The following ADGRE2 variants were observed in gnomAD, a reference collection of about 807,000 sequenced individuals.
ADGRE2 encodes adhesion G protein-coupled receptor E2.
Under a neutral mutation model 100.8 loss-of-function variants are expected in ADGRE2, and 83 were observed. The observed-to-expected ratio is 0.82, with a 90% CI of 0.69 to 0.99. ADGRE2 has a LOEUF of 0.99. ADGRE2 is among the 50% of genes least tolerant of loss of function. ADGRE2 has a pLI of 0.00. For synonymous variants in ADGRE2, 355 were observed against 413.0 expected, an observed-to-expected ratio of 0.86 and a Z score of 1.70; for missense variants, 814 against 1,035.7, an observed-to-expected ratio of 0.79 and a Z score of 2.94.
chr19:14,747,026 C>T (rs970505824), intron 16 of ADGRE2, 64 bp from the exon 17 acceptor site: 2 of 1,359,432 alleles, frequency 1.5e-6, no homozygotes, highest in Non-Finnish European at 2.1e-6. Flanking sequence ...TTATGTAAAT[C>T]TATTCCATCC....
At chr19:14,724,378 G>T in the ADGRE2 span, among the ~76,000 whole-genome samples, 2 of 152,270 alleles carry the variant, frequency 1.3e-5, no homozygotes, top group East Asian at 3.9e-4. Flanking sequence ...TTATAACACT[G>T]GCAACCTGGT....
At chr19:14,745,403 G>T (rs2043057529) in intron 18 of ADGRE2, among the ~76,000 whole-genome samples, 1 of 152,090 alleles carries the variant, frequency 6.6e-6, no homozygotes, top group African/African-American at 2.4e-5. Context: ...ATTTGTATGT[G>T]TTGGGAACAC....
chr19:14,767,455 G>A (rs981589071), intron 5 of ADGRE2, among the ~76,000 whole-genome samples: 1 of 152,056 alleles, frequency 6.6e-6, no homozygotes, highest in South Asian at 2.1e-4. Flanking sequence ...TAGCCAGGAT[G>A]GTCTTGATCT....
At chr19:14,777,043 C>T (rs1354939005) in intron 1 of ADGRE2, 116 bp from the exon 2 acceptor site, 3 of 1,262,950 alleles carry the variant, frequency 2.4e-6, no homozygotes, top group Admixed American at 3.6e-5. Flanking sequence ...GAATGAAGTG[C>T]AACCTGCTTT....
At chr19:14,746,804 G>A (rs2043106895) in intron 17 of ADGRE2, 92 bp downstream of exon 17, 1 of 1,263,446 alleles carries the variant, frequency 7.9e-7, no homozygotes. Context: ...GACAACCCAG[G>A]GGACATTCCT....
intron 4 of ADGRE2, among the ~76,000 whole-genome samples, chr19:14,773,101 A>G (rs2044277499): frequency 1.4e-5 from 2 of 147,528 alleles, no homozygotes; most frequent in Non-Finnish European, 3.0e-5. Context: ...AAAAAAAACA[A>G]AAAAAAAAAG....
chr19:14,775,068 T>A (rs2044386057), intron 2 of ADGRE2, among the ~76,000 whole-genome samples: 2 of 151,640 alleles, frequency 1.3e-5, no homozygotes, highest in Non-Finnish European at 2.9e-5. Context: ...AGTGGTGCAA[T>A]CTTGGCTCAC....
chr19:14,743,698 C>CG lies in ADGRE2; in HGVS notation c.2269dup (p.Arg757ProfsTer46). On this transcript the variant is annotated frameshift_variant, in exon 19 of 21. Transcript: ENST00000315576. LOFTEE classifies it high-confidence loss of function. Reference sequence around the variant, plus strand: ...GATGGTGAAGAGGTAGGCCATGACCCGGGCAGCCGGACCCACCTGCAAGAT... The same window carrying CG: ...GATGGTGAAGAGGTAGGCCATGACCCGGGGCAGCCGGACCCACCTGCAAGAT... The CG allele has an allele frequency of 6.2e-7, 1 of 1,614,130 alleles. No homozygotes were observed. The highest frequency in any genetic ancestry group is 8.5e-7 in the Non-Finnish European group (1 of 1,180,012).
intron 16 of ADGRE2, among the ~76,000 whole-genome samples, chr19:14,747,246 A>T (rs2043121977): frequency 6.6e-6 from 1 of 152,196 alleles, no homozygotes; most frequent in African/African-American, 2.4e-5. Context: ...ACAGTGGCTC[A>T]CACCAGGACT....
In ADGRE2 at chr19:14,776,712, C is replaced by G. The variant is rs773261287; in HGVS notation, c.31+14G>C. The G allele has an allele frequency of 1.2e-6, 2 of 1,612,108 alleles. No individual in the cohort carries two copies. Among genetic ancestry groups the G allele is most frequent in the East Asian group, 4.5e-5 (2 of 44,734 alleles). On this transcript the variant is annotated intron_variant, in intron 2 of 20. Coordinates refer to ENST00000315576, the MANE Select transcript of ADGRE2 (RefSeq NM_013447.4). ...TCCTCGCTACCACCCCCAGCGGGGC[C>G]CCAAAGTACTTACCGAGAAAGACGA...
rs779657145 is a variant in ADGRE2 at position 14,752,454 on chromosome 19, C to G, written c.1663G>C (p.Ala555Pro). 6.2e-7 allele frequency: 1 copy of G among 1,614,110 alleles called. No homozygotes were observed. Among genetic ancestry groups the G allele is most frequent in the South Asian group, 1.1e-5 (1 of 91,076 alleles). Reference sequence around the variant, plus strand: ...GCTTTACACAGGAGAAAAGTGAGGGCCGCCAGGAGGAGGCACAGCAGAGAG... The same window carrying G: ...GCTTTACACAGGAGAAAAGTGAGGGGCGCCAGGAGGAGGCACAGCAGAGAG... ...SVSLLCLLLAALTFLLCKAIQ... is the reference protein window; with the variant it reads ...SVSLLCLLLAPLTFLLCKAIQ... Residue 555 changes from alanine (A) to proline (P), a missense_variant, in exon 15 of 21, where the codon GCC becomes CCC. This residue lies in a region of ADGRE2 where 569 missense variants were observed against 692.7 expected (regional missense o/e 0.82). Transcript: ENST00000315576.
chr19:14,767,103 T>A lies in ADGRE2; in HGVS notation c.362A>T (p.Asp121Val). ...GAGCCTTGGGTTCTGCTGACATTCGTCCACATCTGCAAGAGGAAGGAGAGG... is the reference window on the plus strand; with the variant it reads ...GAGCCTTGGGTTCTGCTGACATTCGACCACATCTGCAAGAGGAAGGAGAGG... ...NESENTCQDV[D>V]ECQQNPRLCK... The change falls in exon 6 of 21, where the codon GAC (aspartate) becomes GTC (valine). Residue 121 changes from aspartate to valine, a missense_variant. Physicochemically the swap from Asp to Val is radical, Grantham distance 152. Around this residue, in one of 5 missense-constraint regions of ADGRE2, gnomAD observed 143 missense variants for 160.3 expected, o/e 0.89. Transcript: ENST00000315576. The A allele has an allele frequency of 6.2e-7, 1 of 1,601,464 alleles. No homozygotes were observed. The highest frequency in any genetic ancestry group is 2.3e-5 in the East Asian group (1 of 44,364).
downstream of ADGRE2, chr19:14,731,310 A>G (rs971831495): frequency 5.9e-5 from 57 of 972,814 alleles, no homozygotes; most frequent in African/African-American, 8.8e-4. Flanking sequence ...TGAAGCTTGC[A>G]GGTCAGTGGC....
intron 1 of ADGRE2, among the ~76,000 whole-genome samples, chr19:14,777,420 A>G (rs1003815049): frequency 3.3e-5 from 5 of 152,196 alleles, no homozygotes; most frequent in African/African-American, 7.2e-5. Context: ...GCTTGAGCTC[A>G]GGAGTTTGAG....
At chr19:14,749,348 AAT>A (rs1695797151) in intron 16 of ADGRE2, among the ~76,000 whole-genome samples, 1 of 144,154 alleles carries the variant, frequency 6.9e-6, no homozygotes, top group South Asian at 2.2e-4. Flanking sequence ...ATGATATGAT[AAT>A]ATATGATTAT....
chr19:14,768,899 T>G (rs973818802), intron 5 of ADGRE2: 1 of 152,328 alleles, frequency 6.6e-6, no homozygotes, highest in Admixed American at 6.5e-5. Flanking sequence ...TCCCTCCTCC[T>G]TCATTTCTGG....
intron 20 of ADGRE2, among the ~76,000 whole-genome samples, chr19:14,736,826 A>T (rs1363132505): frequency 6.9e-6 from 1 of 145,690 alleles, no homozygotes; most frequent in Non-Finnish European, 1.5e-5. Flanking sequence ...AGAAATATAT[A>T]GATATTTAAT....
At chr19:14,744,735 G>T (rs377275930) in intron 18 of ADGRE2, among the ~76,000 whole-genome samples, 1 of 151,884 alleles carries the variant, frequency 6.6e-6, no homozygotes. Flanking sequence ...GATTACAGGC[G>T]TGAGCCACCA....
intron 2 of ADGRE2, among the ~76,000 whole-genome samples, chr19:14,775,470 C>G (rs1387683403): frequency 6.6e-6 from 1 of 152,068 alleles, no homozygotes; most frequent in Non-Finnish European, 1.5e-5. Flanking sequence ...GGGCCATGAG[C>G]CTGGTGGGGG....
Sources: gnomAD v4.1 joint callset for allele counts (sites outside exome capture counted in the v4.1 genomes callset) on GRCh38, gnomAD v4.1.1 for gene constraint, gnomAD v4.1.1 regional missense constraint, MANE v1.5 for transcripts, NCBI Gene and HGNC (gene_info 2026-07-23, HGNC 2026-07-21) for gene names.